Variants in SPMIP2 observed in about 807,000 individuals in gnomAD.
The protein encoded by SPMIP2 is protein SPMIP2.
At chr4:158,918,410 G>C in the SPMIP2 span, among the ~76,000 whole-genome samples, 4 of 152,216 alleles carry the variant, frequency 2.6e-5, no homozygotes, top group African/African-American at 9.6e-5. Context: ...TAAAAGGCAG[G>C]ATAGCTGATG....
chr4:158,898,089 T>C, the SPMIP2 span, among the ~76,000 whole-genome samples: 1 of 152,236 alleles, frequency 6.6e-6, no homozygotes, highest in Admixed American at 6.5e-5. Flanking sequence ...ATTTATTAAA[T>C]AGGGAATCCT....
At chr4:158,997,152 T>A in the SPMIP2 span, among the ~76,000 whole-genome samples, 1 of 152,206 alleles carries the variant, frequency 6.6e-6, no homozygotes, top group Non-Finnish European at 1.5e-5. Flanking sequence ...TGAAGTTACT[T>A]CTTTTCTCCT....
At chr4:159,030,390 G>T in the SPMIP2 span, among the ~76,000 whole-genome samples, 8 of 152,004 alleles carry the variant, frequency 5.3e-5, no homozygotes, top group African/African-American at 1.7e-4. Context: ...TCTAGCCTGG[G>T]TGACAGAGTG....
the SPMIP2 span, among the ~76,000 whole-genome samples, chr4:159,038,378 G>A: frequency 6.6e-6 from 1 of 152,112 alleles, no homozygotes; most frequent in Non-Finnish European, 1.5e-5. Flanking sequence ...TTACACTTCT[G>A]TTCTTGTTAG....
At chr4:158,947,894 A>G in the SPMIP2 span, among the ~76,000 whole-genome samples, 432 of 152,330 alleles carry the variant, frequency 2.8e-3, 3 homozygotes, top group African/African-American at 9.3e-3. Context: ...ACATATACAT[A>G]ATAGAGTGCT....
the SPMIP2 span, chr4:158,904,903 A>G: frequency 2.3e-4 from 47 of 203,770 alleles, 1 homozygote; most frequent in Middle Eastern, 2.2e-3. Context: ...CGGGGTGGTC[A>G]GCAGTGTACA....
At chr4:158,909,903 G>A in the SPMIP2 span, among the ~76,000 whole-genome samples, 11 of 152,276 alleles carry the variant, frequency 7.2e-5, no homozygotes, top group South Asian at 2.1e-4. Context: ...TTAGCCGGCC[G>A]TGGTGGCACG....
the SPMIP2 span, among the ~76,000 whole-genome samples, chr4:158,908,258 G>C: frequency 6.6e-6 from 1 of 152,048 alleles, no homozygotes; most frequent in African/African-American, 2.4e-5. Flanking sequence ...ATAGGCGAGA[G>C]GTCCTGCACC....
chr4:159,081,651 C>T, the SPMIP2 span, among the ~76,000 whole-genome samples: 2 of 152,072 alleles, frequency 1.3e-5, no homozygotes, highest in Admixed American at 1.3e-4. Context: ...TTGCTCTGCA[C>T]TCCACTGCAC....
the SPMIP2 span, among the ~76,000 whole-genome samples, chr4:158,970,560 A>G: frequency 2.4e-4 from 37 of 152,168 alleles, 1 homozygote; most frequent in Admixed American, 2.4e-3. Flanking sequence ...AACAAAAAAA[A>G]AAGATTTTGA....
At chr4:158,895,284 T>G in the SPMIP2 span, among the ~76,000 whole-genome samples, 1 of 152,162 alleles carries the variant, frequency 6.6e-6, no homozygotes, top group Admixed American at 6.6e-5. Context: ...CAGAATAATC[T>G]GAGCTATTGG....
At chr4:159,062,321 A>G in the SPMIP2 span, among the ~76,000 whole-genome samples, 3 of 152,222 alleles carry the variant, frequency 2.0e-5, no homozygotes, top group Admixed American at 2.0e-4. Flanking sequence ...AATTGCTTTA[A>G]TATTTTTCCT....
the SPMIP2 span, among the ~76,000 whole-genome samples, chr4:158,904,286 A>G: frequency 2.0e-5 from 3 of 152,182 alleles, no homozygotes; most frequent in Admixed American, 6.5e-5. Context: ...GTCCACTGGA[A>G]TATTTTATTA....
At chr4:158,918,495 T>C in the SPMIP2 span, among the ~76,000 whole-genome samples, 1 of 152,258 alleles carries the variant, frequency 6.6e-6, no homozygotes, top group Non-Finnish European at 1.5e-5. Context: ...AACTATTTCA[T>C]GCAAATGTCA....
At chr4:158,966,713 A>C in the SPMIP2 span, among the ~76,000 whole-genome samples, 1,199 of 152,368 alleles carry the variant, frequency 7.9e-3, 17 homozygotes, top group African/African-American at 0.027. Context: ...ACAAGAGTTC[A>C]TAACTACCAC....
the SPMIP2 span, among the ~76,000 whole-genome samples, chr4:159,041,228 T>C: frequency 6.6e-6 from 1 of 152,210 alleles, no homozygotes; most frequent in Non-Finnish European, 1.5e-5. Flanking sequence ...GCCGGGCCAA[T>C]CAACCCAACT....
chr4:159,033,359 G>A, the SPMIP2 span, among the ~76,000 whole-genome samples: 2 of 152,102 alleles, frequency 1.3e-5, no homozygotes, highest in Admixed American at 6.6e-5. Context: ...AAACCATAAC[G>A]TATGGTACTA....
the SPMIP2 span, among the ~76,000 whole-genome samples, chr4:158,921,073 A>C: frequency 6.6e-6 from 1 of 152,208 alleles, no homozygotes; most frequent in South Asian, 2.1e-4. Flanking sequence ...CTACGTTGAA[A>C]TATTGGGGGC....
At chr4:158,989,647 A>T in the SPMIP2 span, among the ~76,000 whole-genome samples, 1 of 152,244 alleles carries the variant, frequency 6.6e-6, no homozygotes, top group Non-Finnish European at 1.5e-5. Flanking sequence ...TCCCTATTTA[A>T]TAAATGGTGT....
Sources: gnomAD v4.1 joint callset for allele counts (sites outside exome capture counted in the v4.1 genomes callset) on GRCh38, gnomAD v4.1.1 for gene constraint, MANE v1.5 for transcripts, NCBI Gene and HGNC (gene_info 2026-07-23, HGNC 2026-07-21) for gene names.